Variants in DDX47 observed in about 807,000 individuals in gnomAD.
DDX47 encodes probable ATP-dependent RNA helicase DDX47.
In DDX47, 60 loss-of-function variants were observed where a neutral mutation model predicts 58.8. That is an observed-to-expected ratio of 1.02 (90% confidence interval 0.83 to 1.26). DDX47 has a LOEUF of 1.26. Ranked by LOEUF, DDX47 falls within the 50% of genes most tolerant of loss-of-function variation. The pLI is 0.00. For missense variants in DDX47, 530 were observed against 573.2 expected (o/e 0.92, Z 0.77); for synonymous variants, 197 against 204.6 (o/e 0.96, Z 0.32).
At position 12,823,966 on chromosome 12, in the gene DDX47, C is replaced by T. The variant is rs148223075; in HGVS notation, c.847C>T (p.Leu283=). ...CNNTQRTALL[L]RNLGFTAIPL... Reference sequence around the variant, plus strand: ...TAATACCCAGAGAACAGCTTTGCTACTGCGAAATCTTGGCTTCACTGCCAT... The same window carrying T: ...TAATACCCAGAGAACAGCTTTGCTATTGCGAAATCTTGGCTTCACTGCCAT... The change falls in exon 8 of 12, where the codon CTG becomes TTG. Residue 283 remains leucine, a synonymous_variant. Transcript: ENST00000358007. 57 of 1,614,152 alleles carry T rather than the reference C, an allele frequency of 3.5e-5. No individual in the cohort carries two copies. The African/African-American group carries it at 6.4e-4, about 18-fold the overall frequency.
At chr12:12,829,306 TA>T in intron 11 of DDX47, 116 bp from the exon 12 acceptor site, 1 of 1,160,928 alleles carries the variant, frequency 8.6e-7, no homozygotes, top group Non-Finnish European at 1.2e-6. Flanking sequence ...GTTCCTTTGC[TA>T]ATGTCAGGCA....
At position 12,827,376 on chromosome 12, in the gene DDX47, G is replaced by T; in HGVS notation, c.1236+1G>T. On this transcript the variant is annotated splice_donor_variant, in intron 11 of 11. Transcript: ENST00000358007. LOFTEE classifies it high-confidence loss of function. Reference sequence around the variant, plus strand: ...TGAAGCCCAAAGGTTTGCCCGAATGGTATGCATCTTTCTTTTCTCACCAGT... The same window carrying T: ...TGAAGCCCAAAGGTTTGCCCGAATGTTATGCATCTTTCTTTTCTCACCAGT... 6.2e-7 allele frequency: 1 copy of T among 1,613,952 alleles called. No individual in the cohort carries two copies. The highest frequency in any genetic ancestry group is 1.3e-5 in the African/African-American group (1 of 75,006).
At chr12:12,813,580 A>G in intron 1 of DDX47, 126 bp downstream of exon 1, 2 of 878,404 alleles carry the variant, frequency 2.3e-6, no homozygotes, top group Non-Finnish European at 3.5e-6. Flanking sequence ...GGTTTTCCCC[A>G]GAATTTCAGA....
At chr12:12,817,135 C>T (rs1042936107) in intron 2 of DDX47, among the ~76,000 whole-genome samples, 2 of 152,064 alleles carry the variant, frequency 1.3e-5, no homozygotes, top group African/African-American at 2.4e-5. Context: ...TGTTGTTATT[C>T]GGTGAAAATA....
chr12:12,823,483 C>T lies in DDX47; in HGVS notation c.750+164C>T. 4.9e-6 allele frequency: 3 copies of T among 608,232 alleles called. No homozygotes were observed. In the Admixed American group the frequency reaches 8.5e-5, roughly 17 times the overall value. The allele number at this position is 608,232 out of a possible 1,614,324, so 37.7% of individuals were successfully genotyped here. A position where few individuals can be genotyped will look rare whatever the true frequency, so the allele number is the denominator to read the frequency against. The stretch of plus-strand genomic sequence containing the variant: ...CTTATATTATCACCGATAAGCCAGA[C>T]ATGCCAGGAATTCACAACACATTAA... On this transcript the variant is annotated intron_variant, in intron 7 of 11. Transcript: ENST00000358007.
intron 8 of DDX47, 99 bp from the exon 9 acceptor site, chr12:12,824,440 TA>T: frequency 7.1e-7 from 1 of 1,402,458 alleles, no homozygotes; most frequent in Non-Finnish European, 9.7e-7. Flanking sequence ...GAAAAACCTT[TA>T]AAAAATTTAT....
intron 2 of DDX47, among the ~76,000 whole-genome samples, chr12:12,815,644 G>T (rs117640475): frequency 1.3e-5 from 2 of 152,152 alleles, no homozygotes; most frequent in Non-Finnish European, 2.9e-5. Flanking sequence ...TATGATGGGA[G>T]GGGAGGACTT....
In DDX47 at chr12:12,821,367, C is replaced by T. The variant is rs1272430766; in HGVS notation, c.341C>T (p.Ala114Val). The change falls in exon 3 of 12, where the codon GCC (alanine) becomes GTC (valine). Residue 114 changes from alanine (A) to valine (V), a missense_variant. By Grantham distance (64) the Ala-to-Val change is moderately conservative. Coordinates refer to ENST00000358007, the MANE Select transcript of DDX47 (RefSeq NM_016355.4). ...LAFQISEQFE[A>V]LGSSIGVQSA... ...TTTCAGATCTCAGAGCAGTTTGAAG[C>T]CCTGGGGTCCTCTATTGGAGTGCAG... is the stretch of plus-strand genomic sequence containing the variant. 4 of 1,614,028 alleles carry T rather than the reference C, an allele frequency of 2.5e-6. No individual in the cohort carries two copies. The highest frequency in any genetic ancestry group is 2.2e-5 in the East Asian group (1 of 44,896).
chr12:12,824,525 T>C lies in DDX47; in HGVS notation c.898-15T>C. 1 of 1,597,210 alleles carries C rather than the reference T, an allele frequency of 6.3e-7. No individual in the cohort carries two copies. Among genetic ancestry groups the C allele is most frequent in the South Asian group, 1.1e-5 (1 of 87,286 alleles). On this transcript the variant is annotated splice_polypyrimidine_tract_variant and intron_variant, in intron 8 of 11. Transcript: ENST00000358007. ...ATAGGTTAAGTTTTCCAACATTTCT[T>C]TTTCATTACCTCAGAGTAAGCGCCT...
At chr12:12,821,549 G>A (rs951697557) in intron 3 of DDX47, 106 bp from the exon 4 acceptor site, 19 of 1,426,134 alleles carry the variant, frequency 1.3e-5, no homozygotes, top group East Asian at 4.6e-5. Context: ...TTAATTGTAA[G>A]GGAAGAACAA....
At chr12:12,825,238 A>T (rs1416436725) in intron 9 of DDX47, 1 of 153,112 alleles carries the variant, frequency 6.5e-6, no homozygotes, top group East Asian at 1.9e-4. Flanking sequence ...AAGTGCTGGG[A>T]TTACAGGCGT....
intron 2 of DDX47, among the ~76,000 whole-genome samples, chr12:12,819,555 G>A (rs1862940525): frequency 6.6e-6 from 1 of 152,066 alleles, no homozygotes; most frequent in Admixed American, 6.6e-5. Flanking sequence ...CTCCAAACAA[G>A]TATGTCCAGC....
intron 2 of DDX47, among the ~76,000 whole-genome samples, chr12:12,819,228 T>C (rs1165799157): frequency 6.6e-6 from 1 of 152,206 alleles, no homozygotes; most frequent in African/African-American, 2.4e-5. Flanking sequence ...CCTTACAATA[T>C]TGATTCTGTC....
chr12:12,828,001 G>A (rs750168002), intron 11 of DDX47, among the ~76,000 whole-genome samples: 4 of 146,742 alleles, frequency 2.7e-5, no homozygotes, highest in South Asian at 2.2e-4. Flanking sequence ...TCAGCCTCCC[G>A]ATTACAGGCA....
chr12:12,821,840 ATTTCT>A, intron 4 of DDX47, 114 bp downstream of exon 4: 1 of 1,203,508 alleles, frequency 8.3e-7, no homozygotes, highest in Non-Finnish European at 1.2e-6. Context: ...AAATTTTTTA[ATTTCT>A]TAAGTTAAAT....
In DDX47 at chr12:12,823,760, G is replaced by A. The variant is rs988838479; in HGVS notation, c.751-110G>A. 1.1e-5 allele frequency: 12 copies of A among 1,089,264 alleles called. No individual in the cohort carries two copies. In the East Asian group the frequency reaches 2.8e-4, roughly 26 times the overall value. The allele number at this position is 1,089,264 out of a possible 1,614,324, so 67.5% of individuals were successfully genotyped here. On this transcript the variant is annotated intron_variant, in intron 7 of 11. Transcript: ENST00000358007. The stretch of plus-strand genomic sequence containing the variant: ...ATGCAAAGCTGGCAGCTGGAGGTCT[G>A]GATAATTGAAAAGCGACTATAGGCT...
chr12:12,815,529 A>G (rs1862882731), intron 2 of DDX47, among the ~76,000 whole-genome samples: 1 of 152,182 alleles, frequency 6.6e-6, no homozygotes, highest in Non-Finnish European at 1.5e-5. Flanking sequence ...TCTAATTAGG[A>G]TGGATTAGAG....
chr12:12,814,464 A>G (rs143847053), intron 2 of DDX47: 173 of 427,972 alleles, frequency 4.0e-4, no homozygotes, highest in African/African-American at 3.0e-3. Flanking sequence ...CCTAGGTTAA[A>G]GTTAAAGTAT....
Position 12,829,701 on chromosome 12 carries a change from T to A in DDX47, c.*147T>A, listed in dbSNP as rs1024099880. On this transcript the variant is annotated 3_prime_UTR_variant, in exon 12 of 12. Coordinates refer to ENST00000358007, the MANE Select transcript of DDX47 (RefSeq NM_016355.4). ...ATTCAGTATTCTTCCCCATTCTGGG[T>A]TGGAGTTTACTGCAGAGTAATTCTT... 1.9e-6 allele frequency: 2 copies of A among 1,056,996 alleles called. No individual in the cohort carries two copies. The highest frequency in any genetic ancestry group is 2.7e-6 in the Non-Finnish European group (2 of 752,998). The allele number at this position is 1,056,996 out of a possible 1,614,324, so 65.5% of individuals were successfully genotyped here.
Sources: gnomAD v4.1 joint callset for allele counts (sites outside exome capture counted in the v4.1 genomes callset) on GRCh38, gnomAD v4.1.1 for gene constraint, MANE v1.5 for transcripts, NCBI Gene and HGNC (gene_info 2026-07-23, HGNC 2026-07-21) for gene names.